The following TSC22D3 variants were observed in gnomAD, a reference collection of about 807,000 sequenced individuals.
TSC22D3 encodes TSC22 domain family protein 3.
Under a neutral mutation model 11.1 loss-of-function variants are expected in TSC22D3, and 4 were observed. The observed-to-expected ratio is 0.36, with a 90% CI of 0.18 to 0.83. The LOEUF (loss-of-function observed/expected upper bound fraction) is 0.83, where lower values mean the gene tolerates loss of function less well. TSC22D3 is among the 40% of genes least tolerant of loss of function. The pLI, the probability that TSC22D3 is intolerant of heterozygous loss-of-function variation, is 0.48. For synonymous variants in TSC22D3, 77 were observed against 70.3 expected, an observed-to-expected ratio of 1.10 and a Z score of -0.48; for missense variants, 118 against 159.4, an observed-to-expected ratio of 0.74 and a Z score of 1.40.
chrX:107,717,226 T>G, intron 1 of TSC22D3: 2 of 293,661 alleles, frequency 6.8e-6, no homozygotes, highest in Non-Finnish European at 9.2e-6. Context: ...CACTTTCTTG[T>G]ACCAACTGGC....
rs146268099 is a variant in TSC22D3, at chrX:107,741,870, A to G, written c.321-25920T>C. 3.3e-3 allele frequency among the ~76,000 whole-genome samples: 365 copies of G among 110,620 alleles called. 3 individuals are homozygous for G. The highest frequency in any genetic ancestry group is 6.2e-3 in the Admixed American group (65 of 10,489). On this transcript the variant is annotated intron_variant, in intron 1 of 2. Coordinates refer to ENST00000372383, the MANE Select transcript of TSC22D3 (RefSeq NM_198057.3). ...ATAGGAAAAGGGGAGAGAAAAGGAGAAGGAGAGACTGAGAGGCACACACAG... is the reference window on the plus strand; with the variant it reads ...ATAGGAAAAGGGGAGAGAAAAGGAGGAGGAGAGACTGAGAGGCACACACAG...
chrX:107,771,983 T>C (rs1043060012), intron 1 of TSC22D3, among the ~76,000 whole-genome samples: 10 of 112,637 alleles, frequency 8.9e-5, no homozygotes, highest in Non-Finnish European at 1.7e-4. Flanking sequence ...CACGTCAATA[T>C]TTAAGTAGTC....
chrX:107,754,836 T>A (rs1929100533), intron 1 of TSC22D3, among the ~76,000 whole-genome samples: 1 of 112,350 alleles, frequency 8.9e-6, no homozygotes, highest in Non-Finnish European at 1.9e-5. Flanking sequence ...TGCAAATTTT[T>A]TTTCGTGAAA....
intron 1 of TSC22D3, among the ~76,000 whole-genome samples, chrX:107,719,673 G>A (rs1927230229): frequency 8.9e-6 from 1 of 111,965 alleles, no homozygotes; most frequent in Non-Finnish European, 1.9e-5. Flanking sequence ...TTTGTTGAAT[G>A]GTTAGAGGCT....
At chrX:107,727,184 C>T (rs1041710706) in intron 1 of TSC22D3, among the ~76,000 whole-genome samples, 9 of 112,343 alleles carry the variant, frequency 8.0e-5, no homozygotes, top group African/African-American at 2.6e-4. Context: ...AGAGCTGATA[C>T]TGAGCTCTCA....
chrX:107,713,482 A>G lies in TSC22D3; in HGVS notation c.*1037T>C, dbSNP rs1051547534. 2 of 112,349 alleles carry G rather than the reference A, an allele frequency of 1.8e-5. No homozygotes were observed. Among genetic ancestry groups the G allele is most frequent in the Admixed American group, 1.9e-4 (2 of 10,593 alleles). 9.3% of individuals were successfully genotyped at this position (112,349 alleles called of 1,213,427 possible). A position where few individuals can be genotyped will look rare whatever the true frequency, so the allele number is the denominator to read the frequency against. On this transcript the variant is annotated 3_prime_UTR_variant, in exon 3 of 3. Transcript: ENST00000372383. ...GAAAGTTTTCCACAATAATTACAAAACAAAACAAAAAACGTTTTCAAATGA... is the reference window on the plus strand; with the variant it reads ...GAAAGTTTTCCACAATAATTACAAAGCAAAACAAAAAACGTTTTCAAATGA...
Position 107,714,244 on chromosome X carries a change from C to G in TSC22D3, c.*275G>C. ...CTTTGCCAGTTGCAGCTAAGTTGCCCAGGCCCTGGGAGCCCCCAGGGCGCA... is the reference window on the plus strand; with the variant it reads ...CTTTGCCAGTTGCAGCTAAGTTGCCGAGGCCCTGGGAGCCCCCAGGGCGCA... On this transcript the variant is annotated 3_prime_UTR_variant, in exon 3 of 3. Transcript: ENST00000372383. 3.4e-6 allele frequency: 1 copy of G among 295,580 alleles called. No individual in the cohort carries two copies. Among genetic ancestry groups the G allele is most frequent in the Non-Finnish European group, 6.0e-6 (1 of 167,659 alleles). The allele number at this position is 295,580 out of a possible 1,213,427, so 24.4% of individuals were successfully genotyped here. A position where few individuals can be genotyped will look rare whatever the true frequency, so the allele number is the denominator to read the frequency against.
At chrX:107,726,081 C>G (rs749606532) in intron 1 of TSC22D3, among the ~76,000 whole-genome samples, 6 of 110,346 alleles carry the variant, frequency 5.4e-5, no homozygotes, top group Non-Finnish European at 9.5e-5. Flanking sequence ...CATGCCTGTC[C>G]CCACCCTGAT....
intron 1 of TSC22D3, among the ~76,000 whole-genome samples, chrX:107,725,357 G>A (rs769757331): frequency 2.6e-4 from 29 of 112,235 alleles, no homozygotes; most frequent in East Asian, 5.6e-4. Flanking sequence ...AAATGCAGGC[G>A]TCCTGGGCTG....
At position 107,716,534 on chromosome X, in the gene TSC22D3, C is replaced by G. The variant is rs945526534; in HGVS notation, c.321-584G>C. On this transcript the variant is annotated intron_variant, in intron 1 of 2. Transcript: ENST00000372383. ...GGATCCCAGAGCGGCGGTGACCCCC[C>G]CCTTCCTGCGTCCCCTCCCCCCCGC... The G allele has an allele frequency of 4.1e-5, 40 of 976,103 alleles. No homozygotes were observed. In the South Asian group the frequency reaches 7.9e-4, roughly 19 times the overall value. The allele number at this position is 976,103 out of a possible 1,213,427, so 80.4% of individuals were successfully genotyped here.
At chrX:107,731,788 G>A (rs929121505) in intron 1 of TSC22D3, among the ~76,000 whole-genome samples, 14 of 104,928 alleles carry the variant, frequency 1.3e-4, no homozygotes, top group Non-Finnish European at 2.7e-4. Context: ...GGCAGCCTGC[G>A]CTGGGGATAA....
rs950428147 is a variant in TSC22D3 at position 107,769,060 on chromosome X, C to T, written c.320+6040G>A. The stretch of plus-strand genomic sequence containing the variant: ...CCTGAGACATTTGCTCATTTTATGA[C>T]AGGTTCCTACGTATGTGTTGACTAC... On this transcript the variant is annotated intron_variant, in intron 1 of 2. Transcript: ENST00000372383. Among the ~76,000 whole-genome samples the T allele has an allele frequency of 2.7e-5, 3 of 112,637 alleles. No homozygotes were observed. The Admixed American group carries it at 2.8e-4, about 11-fold the overall frequency.
chrX:107,718,685 T>C (rs1434480979), intron 1 of TSC22D3, among the ~76,000 whole-genome samples: 1 of 112,414 alleles, frequency 8.9e-6, no homozygotes, highest in African/African-American at 3.2e-5. Flanking sequence ...GTGGTGATAA[T>C]ATGTGTACAA....
chrX:107,731,134 A>G (rs1364317511), intron 1 of TSC22D3, among the ~76,000 whole-genome samples: 1 of 112,117 alleles, frequency 8.9e-6, no homozygotes, highest in African/African-American at 3.2e-5. Flanking sequence ...TACGTGGGGG[A>G]TGGTAGGGAA....
chrX:107,736,528 G>A (rs770213012), intron 1 of TSC22D3, among the ~76,000 whole-genome samples: 2 of 111,717 alleles, frequency 1.8e-5, no homozygotes, highest in South Asian at 7.5e-4. Flanking sequence ...AACTGGAAGG[G>A]ACCTCTACCT....
intron 1 of TSC22D3, chrX:107,716,996 G>T: frequency 9.7e-7 from 1 of 1,034,332 alleles, no homozygotes; most frequent in Non-Finnish European, 1.2e-6. Context: ...GGAGTTGAAG[G>T]GAAGTGACTC....
At chrX:107,716,650 C>G in intron 1 of TSC22D3, 2 of 1,177,320 alleles carry the variant, frequency 1.7e-6, no homozygotes, top group Non-Finnish European at 2.3e-6. Flanking sequence ...CCGGCCGGCG[C>G]CCCGGCTCGG....
intron 1 of TSC22D3, among the ~76,000 whole-genome samples, chrX:107,742,281 AAGAGAGAGAGAGAGAGAG>A (rs764889060): frequency 1.8e-5 from 1 of 56,818 alleles, no homozygotes; most frequent in South Asian, 1.3e-3. Context: ...GAGAGAGAGA[AAGAGAGAGAGAGAGAGAG>A]AGAGAGAGAG....
At chrX:107,714,911 T>C (rs753749168) in intron 2 of TSC22D3, among the ~76,000 whole-genome samples, 162 bp from the exon 3 acceptor site, 1 of 111,964 alleles carries the variant, frequency 8.9e-6, no homozygotes, top group Non-Finnish European at 1.9e-5. Context: ...CGTTCACCTT[T>C]CTCTGAAGCA....
Sources: gnomAD v4.1 joint callset for allele counts (sites outside exome capture counted in the v4.1 genomes callset) on GRCh38, gnomAD v4.1.1 for gene constraint, MANE v1.5 for transcripts, NCBI Gene and HGNC (gene_info 2026-07-23, HGNC 2026-07-21) for gene names.